Variants in PNO1 observed in about 807,000 individuals in gnomAD.
PNO1 encodes partner of NOB1 homolog.
In PNO1, 16 loss-of-function variants were observed where a neutral mutation model predicts 28.4. The ratio of observed to expected loss-of-function variants is 0.56; its 90% CI spans 0.38 to 0.85. The LOEUF (loss-of-function observed/expected upper bound fraction) is 0.85. PNO1 is among the 40% of genes least tolerant of loss of function. The pLI is 0.00. For synonymous variants in PNO1, 115 were observed against 110.8 expected (o/e 1.04, Z -0.24); for missense variants, 304 against 312.2 (o/e 0.97, Z 0.20).
chr2:68,172,086 C>T (rs1674145399), intron 5 of PNO1, among the ~76,000 whole-genome samples: 1 of 152,090 alleles, frequency 6.6e-6, no homozygotes, highest in African/African-American at 2.4e-5. Context: ...TAAAGGATAT[C>T]AAGGACCTGA....
chr2:68,173,172 C>CTA, intron 5 of PNO1, 175 bp from the exon 6 acceptor site: 1 of 427,094 alleles, frequency 2.3e-6, no homozygotes, highest in Non-Finnish European at 4.3e-6. Flanking sequence ...CGTGCTACTA[C>CTA]ACCCAGCTAA....
chr2:68,165,536 A>G (rs1426640151), intron 5 of PNO1, among the ~76,000 whole-genome samples: 1 of 95,820 alleles, frequency 1.0e-5, no homozygotes, highest in Non-Finnish European at 1.9e-5. Context: ...ACAGAGTGAG[A>G]CTCCATCTCA....
chr2:68,173,931 A>G (rs1246119251), intron 6 of PNO1, among the ~76,000 whole-genome samples: 1 of 152,188 alleles, frequency 6.6e-6, no homozygotes, highest in Non-Finnish European at 1.5e-5. Flanking sequence ...AGAGAAGAGA[A>G]GGTGTTTATT....
intron 5 of PNO1, among the ~76,000 whole-genome samples, chr2:68,168,416 T>G (rs1320346675): frequency 2.6e-5 from 4 of 152,188 alleles, no homozygotes; most frequent in Admixed American, 6.5e-5. Flanking sequence ...CTGGGATCAG[T>G]CTCTTGTCCA....
Position 68,162,356 on chromosome 2 carries a change from C to T in PNO1, c.502+31C>T, listed in dbSNP as rs1261167059. 7.7e-6 allele frequency: 12 copies of T among 1,552,752 alleles called. No individual in the cohort carries two copies. In the East Asian group the frequency reaches 9.0e-5, roughly 12 times the overall value. On this transcript the variant is annotated intron_variant, in intron 4 of 6. Coordinates refer to ENST00000263657, the MANE Select transcript of PNO1 (RefSeq NM_020143.4). ...TGTGTGTTGGTCTGCGCTCTTGTGT[C>T]GCTGACTTTGTATTGTGATGTGACT...
chr2:68,172,820 T>G (rs1428398602), intron 5 of PNO1, among the ~76,000 whole-genome samples: 1 of 152,250 alleles, frequency 6.6e-6, no homozygotes, highest in Non-Finnish European at 1.5e-5. Flanking sequence ...AAAGCACTCA[T>G]AGGATGGGAG....
At chr2:68,166,859 G>A (rs370432382) in intron 5 of PNO1, among the ~76,000 whole-genome samples, 16 of 152,198 alleles carry the variant, frequency 1.1e-4, no homozygotes, top group East Asian at 3.9e-4. Context: ...CCATCAAGTC[G>A]TCTTCTGTTA....
chr2:68,168,394 CAGG>C (rs1674045574), intron 5 of PNO1, among the ~76,000 whole-genome samples: 1 of 152,200 alleles, frequency 6.6e-6, no homozygotes, highest in African/African-American at 2.4e-5. Context: ...GATCTCTTAT[CAGG>C]AGATGTTACT....
At chr2:68,162,184 A>C (rs899334232) in intron 3 of PNO1, 81 bp from the exon 4 acceptor site, 1 of 1,010,776 alleles carries the variant, frequency 9.9e-7, no homozygotes, top group Non-Finnish European at 1.5e-6. Context: ...TGTGGATTTT[A>C]GTTCCATAGT....
chr2:68,173,576 ATTTTTT>A (rs34874863), intron 6 of PNO1, among the ~76,000 whole-genome samples, 159 bp downstream of exon 6: 51 of 111,382 alleles, frequency 4.6e-4, no homozygotes, highest in Middle Eastern at 5.4e-3. Context: ...AGGAAGTAGA[ATTTTTT>A]TTTTTTTTTT....
chr2:68,171,787 G>C (rs6716271), intron 5 of PNO1, among the ~76,000 whole-genome samples: 113,270 of 151,948 alleles, frequency 0.75, 43,286 homozygotes, highest in African/African-American at 0.93. Flanking sequence ...CTTTTACTCG[G>C]AGTGAATAGG....
Position 68,162,306 on chromosome 2 carries a change from G to A in PNO1, c.483G>A (p.Glu161=). The A allele has an allele frequency of 6.2e-7, 1 of 1,612,928 alleles. No individual in the cohort carries two copies. Among genetic ancestry groups the A allele is most frequent in the Non-Finnish European group, 8.5e-7 (1 of 1,179,188 alleles). Residue 161 remains glutamate (E), a synonymous_variant, in exon 4 of 7, where the codon GAG becomes GAA. Transcript: ENST00000263657. ...ALIRLDDLFL[E]SFEITDVKPL... Reference sequence around the variant, plus strand: ...TCAGGTTGGATGACCTCTTCCTAGAGTCTTTTGAAATTACAGATGGTGAGT... The same window carrying A: ...TCAGGTTGGATGACCTCTTCCTAGAATCTTTTGAAATTACAGATGGTGAGT...
rs35574023 is a variant in PNO1, at chr2:68,174,715, C to CT, written c.692-12dup. The CT allele has an allele frequency of 3.6e-5, 56 of 1,569,908 alleles. No homozygotes were observed. The highest frequency in any genetic ancestry group is 4.3e-5 in the Non-Finnish European group (49 of 1,141,668). On this transcript the variant is annotated intron_variant, in intron 6 of 6. Transcript: ENST00000263657. Reference sequence around the variant, plus strand: ...AAATGTGAGTTTATTTGTGTATATACTTTTTTTTCCCCTTTGCAGGAAATC... The same window carrying CT: ...AAATGTGAGTTTATTTGTGTATATACTTTTTTTTTCCCCTTTGCAGGAAATC...
intron 5 of PNO1, among the ~76,000 whole-genome samples, chr2:68,170,617 G>A (rs1160517678): frequency 6.6e-6 from 1 of 151,768 alleles, no homozygotes. Context: ...GCGTGGTGGT[G>A]GGCACCTGTA....
chr2:68,163,032 G>A (rs1044103807), intron 5 of PNO1, among the ~76,000 whole-genome samples: 3 of 152,174 alleles, frequency 2.0e-5, no homozygotes, highest in African/African-American at 7.2e-5. Context: ...CATTCTGAAT[G>A]TGTATCACCT....
chr2:68,174,241 A>C (rs140809459), intron 6 of PNO1, among the ~76,000 whole-genome samples: 1 of 149,808 alleles, frequency 6.7e-6, no homozygotes, highest in Non-Finnish European at 1.5e-5. Flanking sequence ...CGCTCTTAGA[A>C]GTTTAAAATA....
At chr2:68,173,524 C>A in intron 6 of PNO1, 107 bp downstream of exon 6, 6 of 655,302 alleles carry the variant, frequency 9.2e-6, no homozygotes, top group South Asian at 1.8e-5. Context: ...TTAAAGATCG[C>A]AAGTAGAAAC....
At chr2:68,165,064 C>T (rs977948682) in intron 5 of PNO1, among the ~76,000 whole-genome samples, 1 of 152,000 alleles carries the variant, frequency 6.6e-6, no homozygotes, top group African/African-American at 2.4e-5. Context: ...TGAAAGCTTT[C>T]ATGAATTTAG....
intron 5 of PNO1, among the ~76,000 whole-genome samples, chr2:68,169,815 T>A (rs1260806283): frequency 6.6e-6 from 1 of 152,174 alleles, no homozygotes; most frequent in African/African-American, 2.4e-5. Flanking sequence ...CCTCTCTGGG[T>A]TTTTTCACAT....
Sources: allele counts gnomAD v4.1 joint callset (sites outside exome capture counted in the v4.1 genomes callset), GRCh38; gene constraint gnomAD v4.1.1; transcripts MANE v1.5; gene names NCBI Gene and HGNC (gene_info 2026-07-23, HGNC 2026-07-21).